Variants in UMAD1 observed in about 807,000 individuals in gnomAD.
UMAD1 encodes UBAP1-MVB12-associated (UMA)-domain containing protein 1.
UMAD1 carries 8 observed loss-of-function variants against 6.1 expected under a neutral mutation model. The ratio of observed to expected loss-of-function variants is 1.30; its 90% CI spans 0.76 to 2.35. The LOEUF is 2.35. Among genes scored for constraint, UMAD1 ranks in the 30% most tolerant of loss-of-function variants. UMAD1 has a pLI of 0.00. For missense variants in UMAD1, 130 were observed against 78.4 expected (o/e 1.66, Z -2.49); for synonymous variants, 56 against 31.4 (o/e 1.78, Z -2.61).
rs1299263196 is a variant in UMAD1 at position 7,830,884 on chromosome 7, A to G, written c.156+29141A>G. Among the ~76,000 whole-genome samples the G allele has an allele frequency of 1.3e-5, 2 of 152,108 alleles. No homozygotes were observed. The highest frequency in any genetic ancestry group is 6.5e-5 in the Admixed American group (1 of 15,268). On this transcript the variant is annotated intron_variant, in intron 3 of 3. Transcript: ENST00000682710. This position sits in a 1 kb window ranked among gnomAD's most constrained non-coding sequence, Gnocchi z 5.3. ...AAGTATCTGCATAGAAAAATTTGTT[A>G]TTAGTTTTTATGAATAAGCCAATCA...
intron 2 of UMAD1, among the ~76,000 whole-genome samples, chr7:7,768,043 T>G (rs1759244487): frequency 6.6e-6 from 1 of 152,186 alleles, no homozygotes; most frequent in African/African-American, 2.4e-5. Flanking sequence ...CTTTCCTATC[T>G]TAGAAAGGCT....
chr7:7,692,097 C>A (rs958467487), intron 2 of UMAD1, among the ~76,000 whole-genome samples: 2 of 152,122 alleles, frequency 1.3e-5, no homozygotes, highest in Non-Finnish European at 2.9e-5. Context: ...CCTGGGGTTC[C>A]ATTCTGTAAA....
At chr7:7,866,338 A>G (rs1348435098) in intron 3 of UMAD1, among the ~76,000 whole-genome samples, 9 of 152,164 alleles carry the variant, frequency 5.9e-5, no homozygotes, top group Non-Finnish European at 8.8e-5. Flanking sequence ...GTGACAGGGA[A>G]TTCTAGTCGA....
chr7:7,728,751 A>G (rs1459869262), intron 2 of UMAD1, among the ~76,000 whole-genome samples: 1 of 152,092 alleles, frequency 6.6e-6, no homozygotes, highest in Non-Finnish European at 1.5e-5. Context: ...TTGCTGCTAT[A>G]TGAATAGTAT....
intron 2 of UMAD1, among the ~76,000 whole-genome samples, chr7:7,748,103 A>ATTTTTTTTTTTTTTTT (rs35368211): frequency 2.1e-5 from 3 of 140,178 alleles, no homozygotes; most frequent in African/African-American, 2.8e-5. Context: ...CGCCCAGCTA[A>ATTTTTTTTTTTTTTTT]TTTTTTTTTT....
At chr7:7,821,885 A>G (rs1447142390) in intron 3 of UMAD1, among the ~76,000 whole-genome samples, 1 of 152,178 alleles carries the variant, frequency 6.6e-6, no homozygotes, top group East Asian at 1.9e-4. Flanking sequence ...ATGTTTTACT[A>G]TATCCCATAA....
chr7:7,773,558 TA>T (rs527959541), intron 2 of UMAD1, among the ~76,000 whole-genome samples: 7 of 151,014 alleles, frequency 4.6e-5, no homozygotes, highest in South Asian at 2.1e-4. Context: ...GCTTAATTTC[TA>T]AAAAAAAACA....
intron 2 of UMAD1, among the ~76,000 whole-genome samples, chr7:7,733,587 A>G (rs1781296009): frequency 6.8e-6 from 1 of 146,706 alleles, no homozygotes; most frequent in African/African-American, 2.5e-5. Context: ...TGACTTTGCC[A>G]TCTAGTATGT....
intron 2 of UMAD1, among the ~76,000 whole-genome samples, chr7:7,792,303 A>G (rs1022625014): frequency 2.0e-5 from 3 of 152,224 alleles, no homozygotes; most frequent in African/African-American, 4.8e-5. Flanking sequence ...AGGTTATAAC[A>G]GTTGTCAACA....
chr7:7,663,590 A>G (rs1357775409), intron 1 of UMAD1, among the ~76,000 whole-genome samples: 2 of 151,904 alleles, frequency 1.3e-5, no homozygotes, highest in Non-Finnish European at 2.9e-5. Flanking sequence ...AGAGGATTAA[A>G]TCAGGTCTCT....
chr7:7,779,136 T>G (rs1782289310), intron 2 of UMAD1, among the ~76,000 whole-genome samples: 1 of 152,220 alleles, frequency 6.6e-6, no homozygotes. Flanking sequence ...TCATTTGCCC[T>G]GGTCTTTATT....
intron 3 of UMAD1, among the ~76,000 whole-genome samples, chr7:7,857,736 A>G (rs892043229): frequency 1.3e-5 from 2 of 152,266 alleles, no homozygotes; most frequent in South Asian, 4.1e-4. Flanking sequence ...TAGAATTAGC[A>G]TATCGAGCTG....
intron 2 of UMAD1, among the ~76,000 whole-genome samples, chr7:7,677,922 C>G (rs1328953651): frequency 6.6e-6 from 1 of 151,782 alleles, no homozygotes; most frequent in African/African-American, 2.4e-5. Flanking sequence ...ATCCGCCCGC[C>G]TCGGCCTCCC....
intron 2 of UMAD1, among the ~76,000 whole-genome samples, chr7:7,734,062 G>A (rs866499831): frequency 2.6e-5 from 4 of 152,016 alleles, no homozygotes; most frequent in East Asian, 1.9e-4. Context: ...TCTCCCCCCC[G>A]CAACCAACCC....
chr7:7,809,155 T>C (rs1563223292), intron 3 of UMAD1, among the ~76,000 whole-genome samples: 1 of 152,000 alleles, frequency 6.6e-6, no homozygotes, highest in Non-Finnish European at 1.5e-5. Context: ...ACTGTTTTGC[T>C]AAAATTGTTA....
At chr7:7,779,825 G>A (rs1162618383) in intron 2 of UMAD1, among the ~76,000 whole-genome samples, 1 of 152,026 alleles carries the variant, frequency 6.6e-6, no homozygotes, top group African/African-American at 2.4e-5. Flanking sequence ...TTGTATTTTT[G>A]TAGAGACGGG....
chr7:7,770,486 G>T (rs957371198), intron 2 of UMAD1, among the ~76,000 whole-genome samples: 4 of 152,188 alleles, frequency 2.6e-5, no homozygotes, highest in African/African-American at 9.7e-5. Context: ...AAGCAAGAGA[G>T]GTAGATGGTC....
intron 2 of UMAD1, among the ~76,000 whole-genome samples, chr7:7,770,881 T>C (rs1782087395): frequency 6.6e-6 from 1 of 152,050 alleles, no homozygotes; most frequent in African/African-American, 2.4e-5. Flanking sequence ...GTATGGGGCA[T>C]ATGATGTATA....
At chr7:7,874,699 G>A (rs1338164127) in intron 3 of UMAD1, among the ~76,000 whole-genome samples, 1 of 152,034 alleles carries the variant, frequency 6.6e-6, no homozygotes, top group Non-Finnish European at 1.5e-5. Context: ...GGTGACAAGA[G>A]CAAAACTCTG....
Sources: allele counts gnomAD v4.1 joint callset (sites outside exome capture counted in the v4.1 genomes callset), GRCh38; gene constraint gnomAD v4.1.1; non-coding constraint Gnocchi (gnomAD v3.1); transcripts MANE v1.5; gene names NCBI Gene and HGNC (gene_info 2026-07-23, HGNC 2026-07-21).